ACSBG2: variants seen among roughly 807,000 people sequenced by gnomAD.
ACSBG2 encodes the protein acyl-CoA synthetase bubblegum family member 2.
ACSBG2 carries 62 observed loss-of-function variants against 74.7 expected under a neutral mutation model. The observed-to-expected ratio is 0.83, with a 90% CI of 0.68 to 1.03. The LOEUF (loss-of-function observed/expected upper bound fraction) is 1.03. Among genes scored for constraint, ACSBG2 ranks in the 50% least tolerant of loss-of-function variants. The probability of loss-of-function intolerance (pLI) is 0.00; values close to 1 mark genes in which losing one functional copy is unlikely to be tolerated. For missense variants in ACSBG2, 730 were observed against 817.6 expected (o/e 0.89, Z 1.31); for synonymous variants, 309 against 294.1 (o/e 1.05, Z -0.52).
At chr19:6,159,519 ATTATT>A (rs1351801886) in intron 5 of ACSBG2, among the ~76,000 whole-genome samples, 1 of 152,152 alleles carries the variant, frequency 6.6e-6, no homozygotes, top group African/African-American at 2.4e-5. Context: ...CAATATCTGA[ATTATT>A]TCTGACTCCT....
chr19:6,185,775 G>A, intron 11 of ACSBG2, 122 bp downstream of exon 11: 1 of 985,246 alleles, frequency 1.0e-6, no homozygotes. Context: ...GAGCTGTGCA[G>A]AAACTCCTCA....
intron 5 of ACSBG2, among the ~76,000 whole-genome samples, chr19:6,159,294 C>G (rs912725878): frequency 6.6e-6 from 1 of 152,130 alleles, no homozygotes; most frequent in South Asian, 2.1e-4. Flanking sequence ...GTTCCCAAAA[C>G]TCATGTCATA....
At chr19:6,142,415 G>C (rs1249648395) in intron 2 of ACSBG2, among the ~76,000 whole-genome samples, 3 of 152,066 alleles carry the variant, frequency 2.0e-5, no homozygotes, top group Non-Finnish European at 2.9e-5. Context: ...CATTATCCAG[G>C]CTCTTGACAC....
chr19:6,177,875 A>AGTGTGTGTGTGT (rs3036311), intron 8 of ACSBG2, among the ~76,000 whole-genome samples: 191 of 143,514 alleles, frequency 1.3e-3, no homozygotes, highest in African/African-American at 4.2e-3. Flanking sequence ...GAAAGTAAAG[A>AGTGTGTGTGTGT]GTGTGTGTGT....
At chr19:6,172,295 T>G (rs567708527) in intron 7 of ACSBG2, among the ~76,000 whole-genome samples, 1 of 152,370 alleles carries the variant, frequency 6.6e-6, no homozygotes, top group African/African-American at 2.4e-5. Flanking sequence ...CACTGATTCC[T>G]TCTTATCTGA....
intron 2 of ACSBG2, among the ~76,000 whole-genome samples, chr19:6,142,752 CA>C (rs34759552): frequency 0.04 from 4,680 of 115,838 alleles, 66 homozygotes; most frequent in Middle Eastern, 0.075. Context: ...GACTCTGTCT[CA>C]AAAAAAAAAA....
intron 13 of ACSBG2, among the ~76,000 whole-genome samples, chr19:6,188,819 C>T (rs756099779): frequency 5.9e-5 from 9 of 152,116 alleles, no homozygotes; most frequent in Non-Finnish European, 1.2e-4. Context: ...ATGAAATCAT[C>T]GGATGTGGAA....
intron 7 of ACSBG2, among the ~76,000 whole-genome samples, chr19:6,171,915 C>CT (rs2089977666): frequency 6.6e-6 from 1 of 151,870 alleles, no homozygotes; most frequent in Admixed American, 6.6e-5. Context: ...TTTTTTATTT[C>CT]TTTTTTCTTT....
intron 7 of ACSBG2, chr19:6,176,114 A>T: frequency 2.6e-6 from 1 of 384,678 alleles, no homozygotes; most frequent in Non-Finnish European, 4.5e-6. Flanking sequence ...CAAGTTAGTT[A>T]AGGACTCTGT....
intron 7 of ACSBG2, among the ~76,000 whole-genome samples, chr19:6,168,567 TTGGGAAA>T (rs1324038727): frequency 4.6e-5 from 7 of 152,228 alleles, no homozygotes; most frequent in African/African-American, 1.7e-4. Context: ...CAATCCACTT[TTGGGAAA>T]TGAATGAATG....
In ACSBG2 at chr19:6,182,768, T is replaced by A; in HGVS notation, c.924T>A (p.Thr308=). 1.3e-5 allele frequency: 21 copies of A among 1,614,122 alleles called. No homozygotes were observed. The highest frequency in any genetic ancestry group is 1.8e-5 in the Non-Finnish European group (21 of 1,180,010). The part of the protein sequence containing the change: ...ADALKGTLVS[T]LKEVKPTVFI... ...CCATACAGGGCACCTTGGTAAGTAC[T>A]CTAAAGGAGGTAAAACCTACTGTCT... Residue 308 remains threonine (T), a synonymous_variant, in exon 9 of 15, where the codon ACT becomes ACA. Coordinates refer to ENST00000588485, the MANE Select transcript of ACSBG2 (RefSeq NM_030924.5).
Position 6,156,421 on chromosome 19 carries a change from C to A in ACSBG2, c.387-10C>A. On this transcript the variant is annotated splice_polypyrimidine_tract_variant and intron_variant, in intron 4 of 14. Transcript: ENST00000588485. ...GTGGATGCACACACGAATTTGTTTTCTTTTCCCAGGGGTCTTTGTGTTGGT... is the reference window on the plus strand; with the variant it reads ...GTGGATGCACACACGAATTTGTTTTATTTTCCCAGGGGTCTTTGTGTTGGT... The A allele has an allele frequency of 6.3e-7, 1 of 1,586,822 alleles. No homozygotes were observed. The highest frequency in any genetic ancestry group is 8.6e-7 in the Non-Finnish European group (1 of 1,169,448).
intron 6 of ACSBG2, among the ~76,000 whole-genome samples, chr19:6,162,860 A>G (rs1250096644): frequency 6.6e-6 from 1 of 151,308 alleles, no homozygotes; most frequent in Non-Finnish European, 1.5e-5. Context: ...ACTGCCTAAT[A>G]TACCCTGGTG....
In ACSBG2 at chr19:6,188,696, A is replaced by G. The variant is rs190888473; in HGVS notation, c.1927+851A>G. On this transcript the variant is annotated intron_variant, in intron 13 of 14. Transcript: ENST00000588485. ...TTCCCTTGCAGGGAAGCCAACCGAG[A>G]TGGAAGGAACCCTCAAATCTCTCTT... 7.6e-4 allele frequency among the ~76,000 whole-genome samples: 116 copies of G among 152,220 alleles called. 1 individual carries two copies. The highest frequency in any genetic ancestry group is 2.7e-3 in the African/African-American group (112 of 41,552).
At chr19:6,156,211 C>T (rs2089414927) in intron 4 of ACSBG2, among the ~76,000 whole-genome samples, 1 of 152,140 alleles carries the variant, frequency 6.6e-6, no homozygotes, top group Admixed American at 6.6e-5. Flanking sequence ...TCTAAGTGTT[C>T]CATGACCTGT....
intron 7 of ACSBG2, among the ~76,000 whole-genome samples, chr19:6,168,640 C>T (rs960883084): frequency 6.6e-6 from 1 of 152,134 alleles, no homozygotes; most frequent in Non-Finnish European, 1.5e-5. Context: ...ATTTATGCTC[C>T]TAGTGGCTGC....
intron 7 of ACSBG2, 118 bp from the exon 8 acceptor site, chr19:6,177,111 T>G: frequency 9.0e-7 from 1 of 1,116,422 alleles, no homozygotes; most frequent in South Asian, 1.7e-5. Flanking sequence ...CAGTGAGCTG[T>G]GATCACACCA....
intron 5 of ACSBG2, among the ~76,000 whole-genome samples, chr19:6,158,335 G>A (rs944033646): frequency 6.6e-6 from 1 of 151,968 alleles, no homozygotes; most frequent in African/African-American, 2.4e-5. Flanking sequence ...GGGATTACAG[G>A]CATGAGATAC....
chr19:6,187,485 A>C, intron 12 of ACSBG2, 63 bp downstream of exon 12: 1 of 1,604,724 alleles, frequency 6.2e-7, no homozygotes, highest in South Asian at 1.1e-5. Context: ...CCCTGGCCCC[A>C]CCCCAGGGTC....
Sources: gnomAD v4.1 joint callset for allele counts (sites outside exome capture counted in the v4.1 genomes callset) on GRCh38, gnomAD v4.1.1 for gene constraint, MANE v1.5 for transcripts, NCBI Gene and HGNC (gene_info 2026-07-23, HGNC 2026-07-21) for gene names.